The following AAMDC variants were observed in gnomAD, a reference collection of about 807,000 sequenced individuals.
The protein encoded by AAMDC is mth938 domain-containing protein.
In AAMDC, 16 loss-of-function variants were observed where a neutral mutation model predicts 15.5. The observed-to-expected ratio is 1.03, with a 90% CI of 0.70 to 1.57. The LOEUF is 1.57. Ranked by LOEUF, AAMDC falls within the 40% of genes most tolerant of loss-of-function variation. The pLI is 0.00. For missense variants in AAMDC, 141 were observed against 144.9 expected (o/e 0.97, Z 0.14); for synonymous variants, 51 against 51.6 (o/e 0.99, Z 0.05).
chr11:77,897,060 G>A (rs59239088), intron 5 of AAMDC, among the ~76,000 whole-genome samples: 25,194 of 151,776 alleles, frequency 0.17, 2,599 homozygotes, highest in African/African-American at 0.26. Context: ...AACCTATTCT[G>A]GTGTGGCGGG....
chr11:77,831,088 T>C, intron 1 of AAMDC, among the ~76,000 whole-genome samples: 1 of 151,558 alleles, frequency 6.6e-6, no homozygotes, highest in African/African-American at 2.4e-5. Context: ...GAGGCTTCAG[T>C]GAGCTGTAAT....
At chr11:77,858,032 G>C (rs1950702793) in intron 2 of AAMDC, among the ~76,000 whole-genome samples, 1 of 151,700 alleles carries the variant, frequency 6.6e-6, no homozygotes, top group Non-Finnish European at 1.5e-5. Context: ...TTAGGTATTT[G>C]TCCTAATGCT....
At chr11:77,875,547 CAG>C (rs1951571808), downstream of AAMDC, among the ~76,000 whole-genome samples, 1 of 152,134 alleles carries the variant, frequency 6.6e-6, no homozygotes, top group Admixed American at 6.5e-5. Flanking sequence ...CCTTCTCCAA[CAG>C]AGAATGTGCT....
chr11:77,837,136 TTTGC>T (rs1949717292), intron 1 of AAMDC, among the ~76,000 whole-genome samples: 1 of 152,212 alleles, frequency 6.6e-6, no homozygotes, highest in Non-Finnish European at 1.5e-5. Context: ...TGTTTGTTTG[TTTGC>T]TTGCTTGTTT....
chr11:77,903,062 G>A (rs188744990), downstream of AAMDC, among the ~76,000 whole-genome samples: 4 of 152,136 alleles, frequency 2.6e-5, no homozygotes, highest in Admixed American at 6.5e-5. Flanking sequence ...GAGCCACCGC[G>A]CCCGGCCCAA....
chr11:77,834,662 A>G (rs1949603155), intron 1 of AAMDC, among the ~76,000 whole-genome samples: 1 of 151,972 alleles, frequency 6.6e-6, no homozygotes, highest in African/African-American at 2.4e-5. Context: ...TGATCCATCC[A>G]CCTTGGCCTC....
chr11:77,833,251 A>C lies in AAMDC; in HGVS notation c.-18-9228A>C, dbSNP rs113492813. On this transcript the variant is annotated intron_variant, in intron 1 of 3. Transcript: ENST00000393427. Reference sequence around the variant, plus strand: ...TTTATTTTTATTATTATTACATTGTAGTATATAATGAAATAATTATACAAC... The same window carrying C: ...TTTATTTTTATTATTATTACATTGTCGTATATAATGAAATAATTATACAAC... Among the ~76,000 whole-genome samples the C allele has an allele frequency of 4.5e-4, 69 of 151,902 alleles. 2 individuals are homozygous for C. Among genetic ancestry groups the C allele is most frequent in the African/African-American group, 1.6e-3 (66 of 41,424 alleles).
chr11:77,846,089 T>C (rs1286112758), intron 2 of AAMDC, among the ~76,000 whole-genome samples: 1 of 152,130 alleles, frequency 6.6e-6, no homozygotes, highest in South Asian at 2.1e-4. Context: ...TTCTGAGGGT[T>C]TGTTGTTGCT....
intron 1 of AAMDC, among the ~76,000 whole-genome samples, chr11:77,834,983 TAAA>T (rs1364710280): frequency 1.3e-5 from 2 of 152,072 alleles, no homozygotes. Context: ...CATATTTTTA[TAAA>T]AAAAGTAACA....
At chr11:77,824,679 T>C (rs1327204570) in intron 1 of AAMDC, among the ~76,000 whole-genome samples, 1 of 152,278 alleles carries the variant, frequency 6.6e-6, no homozygotes, top group Non-Finnish European at 1.5e-5. Flanking sequence ...TCTGTGGCAA[T>C]AGAAATCAAA....
chr11:77,898,859 A>G (rs978233634), intron 5 of AAMDC, among the ~76,000 whole-genome samples: 7 of 152,098 alleles, frequency 4.6e-5, no homozygotes, highest in Middle Eastern at 3.4e-3. Flanking sequence ...ATCTCTCCTA[A>G]AAATAAAAAA....
chr11:77,873,238 G>A (rs1951504473), downstream of AAMDC, among the ~76,000 whole-genome samples: 1 of 152,214 alleles, frequency 6.6e-6, no homozygotes, highest in East Asian at 1.9e-4. Context: ...GTTCTCATCT[G>A]TCAGATCAGG....
chr11:77,869,029 T>C, intron 2 of AAMDC: 1 of 342,526 alleles, frequency 2.9e-6, no homozygotes, highest in South Asian at 3.7e-5. Flanking sequence ...ATGGTAACAT[T>C]TGTGGGACAT....
At chr11:77,828,351 G>T (rs1949272273) in intron 1 of AAMDC, among the ~76,000 whole-genome samples, 1 of 151,948 alleles carries the variant, frequency 6.6e-6, no homozygotes, top group African/African-American at 2.4e-5. Context: ...AATATTTAGA[G>T]ATTTCTTAAA....
chr11:77,880,956 AAAAC>A (rs376608921), intron 5 of AAMDC, among the ~76,000 whole-genome samples: 201 of 152,220 alleles, frequency 1.3e-3, no homozygotes, highest in African/African-American at 4.4e-3. Flanking sequence ...AAAAAACAAA[AAAAC>A]AAATAAATCC....
At chr11:77,895,527 G>GAAAAA (rs71046921) in intron 5 of AAMDC, among the ~76,000 whole-genome samples, 17 of 39,260 alleles carry the variant, frequency 4.3e-4, no homozygotes, top group African/African-American at 1.4e-3. Context: ...TTCTTTTCCT[G>GAAAAA]AAAAAAAAAA....
Position 77,842,569 on chromosome 11 carries a change from G to C in AAMDC, c.73G>C (p.Asp25His), listed in dbSNP as rs377429739. ...KVKGSNTTYKDCKVWPGGSRT... is the reference protein window; with the variant it reads ...KVKGSNTTYKHCKVWPGGSRT... ...AAAAGGCTCTAATACAACCTATAAG[G>C]ACTGCAAAGTATGGCCAGGGGGTAG... Residue 25 changes from aspartate (D) to histidine (H), a missense_variant, in exon 2 of 4, where the codon GAC becomes CAC. Transcript: ENST00000393427. The C allele has an allele frequency of 8.7e-6, 14 of 1,614,020 alleles. No individual in the cohort carries two copies. Among genetic ancestry groups the C allele is most frequent in the Admixed American group, 3.3e-5 (2 of 59,988 alleles).
At chr11:77,827,865 T>C (rs1368408878) in intron 1 of AAMDC, among the ~76,000 whole-genome samples, 1 of 152,080 alleles carries the variant, frequency 6.6e-6, no homozygotes, top group Non-Finnish European at 1.5e-5. Context: ...ATGTAGGAAA[T>C]CCTAAAGAAT....
intron 2 of AAMDC, among the ~76,000 whole-genome samples, chr11:77,846,007 A>ATT (rs573558798): frequency 1.4e-5 from 2 of 139,644 alleles, no homozygotes; most frequent in African/African-American, 2.6e-5. Flanking sequence ...TATATTTCTC[A>ATT]TTTTTTTTTT....
Sources: gnomAD v4.1 joint callset for allele counts (sites outside exome capture counted in the v4.1 genomes callset) on GRCh38, gnomAD v4.1.1 for gene constraint, MANE v1.5 for transcripts, NCBI Gene and HGNC (gene_info 2026-07-23, HGNC 2026-07-21) for gene names.